The following ASXL3 variants were observed in gnomAD, a reference collection of about 807,000 sequenced individuals.
ASXL3 encodes ASXL transcriptional regulator 3, also known as putative Polycomb group protein ASXL3.
Under a neutral mutation model 170.6 loss-of-function variants are expected in ASXL3, and 34 were observed. The ratio of observed to expected loss-of-function variants is 0.20; its 90% CI spans 0.15 to 0.27. The LOEUF is 0.27. ASXL3 is among the 10% of genes least tolerant of loss of function. The pLI is 1.00. For missense variants in ASXL3, 2,592 were observed against 2,695.3 expected (o/e 0.96, Z 0.85); for synonymous variants, 1,002 against 989.1 (o/e 1.01, Z -0.24).
chr18:33,634,196 A>G (rs916691113), intron 2 of ASXL3, among the ~76,000 whole-genome samples: 1 of 152,170 alleles, frequency 6.6e-6, no homozygotes, highest in African/African-American at 2.4e-5. Flanking sequence ...GAATCTGACA[A>G]AATTAGAGAA....
At chr18:33,671,126 A>G (rs1431653142) in intron 6 of ASXL3, among the ~76,000 whole-genome samples, 1 of 152,132 alleles carries the variant, frequency 6.6e-6, no homozygotes, top group Non-Finnish European at 1.5e-5. Flanking sequence ...ATGCTGATGT[A>G]TAATACCATC....
intron 8 of ASXL3, among the ~76,000 whole-genome samples, chr18:33,703,340 A>G (rs2066908448): frequency 6.6e-6 from 1 of 152,102 alleles, no homozygotes; most frequent in African/African-American, 2.4e-5. Context: ...GACAGAAGTA[A>G]CATTTTTGCT....
chr18:33,627,889 CT>C (rs2065624968), intron 2 of ASXL3, among the ~76,000 whole-genome samples: 1 of 152,036 alleles, frequency 6.6e-6, no homozygotes, highest in Non-Finnish European at 1.5e-5. Flanking sequence ...CAGTATTTTC[CT>C]TTAGACTAAT....
At chr18:33,613,053 G>A (rs2065362984) in intron 2 of ASXL3, among the ~76,000 whole-genome samples, 1 of 152,042 alleles carries the variant, frequency 6.6e-6, no homozygotes, top group Admixed American at 6.6e-5. Flanking sequence ...AGAAACATAG[G>A]GCAATTTGCA....
intron 4 of ASXL3, 139 bp downstream of exon 4, chr18:33,646,492 G>A (rs1221764975): frequency 5.1e-6 from 3 of 583,088 alleles, no homozygotes; most frequent in African/African-American, 1.9e-5. Context: ...TTATCATCAA[G>A]GTGTTTTGAT....
At chr18:33,661,163 T>C (rs549046430) in intron 4 of ASXL3, among the ~76,000 whole-genome samples, 1 of 152,302 alleles carries the variant, frequency 6.6e-6, no homozygotes, top group African/African-American at 2.4e-5. Flanking sequence ...GATTCTATAG[T>C]AGTAAGGCTG....
chr18:33,584,635 A>G (rs149948820), intron 1 of ASXL3, among the ~76,000 whole-genome samples: 30 of 152,250 alleles, frequency 2.0e-4, no homozygotes, highest in African/African-American at 7.2e-4. Flanking sequence ...TGAAAAAAAA[A>G]TCAGTAAATT....
intron 1 of ASXL3, among the ~76,000 whole-genome samples, chr18:33,607,181 G>A (rs918491684): frequency 3.3e-5 from 5 of 151,936 alleles, no homozygotes; most frequent in African/African-American, 9.7e-5. Context: ...CCAGCACTCC[G>A]TTCTCTTCTA....
chr18:33,580,646 A>G (rs570591307), intron 1 of ASXL3, among the ~76,000 whole-genome samples: 31 of 152,196 alleles, frequency 2.0e-4, no homozygotes, highest in Non-Finnish European at 3.5e-4. Flanking sequence ...TCTAATAATG[A>G]TATATCTGTA....
rs1599582740 is a variant in ASXL3 at position 33,748,305 on chromosome 18, T to G, written c.*1710T>G. On this transcript the variant is annotated 3_prime_UTR_variant, in exon 12 of 12. Coordinates refer to ENST00000269197, the MANE Select transcript of ASXL3 (RefSeq NM_030632.3). ...GATTTTTTTATAATAACCAACTATA[T>G]AATATGTTTTTTTCTCCGTATTTAT... The G allele has an allele frequency of 6.6e-6, 1 of 152,154 alleles. No individual in the cohort carries two copies. The allele number at this position is 152,154 out of a possible 1,614,324, so 9.4% of individuals were successfully genotyped here.
At chr18:33,640,266 CAT>C (rs144189281) in intron 2 of ASXL3, among the ~76,000 whole-genome samples, 11 of 150,506 alleles carry the variant, frequency 7.3e-5, no homozygotes, top group Admixed American at 1.3e-4. Context: ...ATATTACAAA[CAT>C]ATATATATAT....
At chr18:33,663,798 T>C (rs542490951) in intron 5 of ASXL3, among the ~76,000 whole-genome samples, 1 of 152,290 alleles carries the variant, frequency 6.6e-6, no homozygotes, top group East Asian at 1.9e-4. Context: ...GCTGAATTTC[T>C]TAAGACAGCA....
chr18:33,683,779 C>T (rs1178240111), intron 8 of ASXL3: 2 of 439,708 alleles, frequency 4.5e-6, no homozygotes, highest in East Asian at 4.0e-5. Context: ...AAATACGGTA[C>T]ATTGTGGTAG....
chr18:33,643,862 C>T (rs1363532605), intron 2 of ASXL3, among the ~76,000 whole-genome samples: 1 of 151,746 alleles, frequency 6.6e-6, no homozygotes, highest in African/African-American at 2.4e-5. Context: ...ACCCATAATT[C>T]CTAAGAAGCA....
chr18:33,724,363 T>C (rs1023115671), intron 8 of ASXL3, among the ~76,000 whole-genome samples: 1 of 152,098 alleles, frequency 6.6e-6, no homozygotes, highest in Non-Finnish European at 1.5e-5. Flanking sequence ...TGTCACTATT[T>C]ATTCTGAATA....
chr18:33,593,329 T>C (rs2065096296), intron 1 of ASXL3, among the ~76,000 whole-genome samples: 1 of 148,784 alleles, frequency 6.7e-6, no homozygotes, highest in Middle Eastern at 3.2e-3. Context: ...GCAGATTATA[T>C]TTCCCAGCCT....
rs923986148 is a variant in ASXL3 at position 33,739,401 on chromosome 18, A to G, written c.1997A>G (p.Asn666Ser). 1 of 1,613,894 alleles carries G rather than the reference A, an allele frequency of 6.2e-7. No homozygotes were observed. Among genetic ancestry groups the G allele is most frequent in the Non-Finnish European group, 8.5e-7 (1 of 1,179,834 alleles). ...AATACAGACAAATACAACCAGAGAA[A>G]TTCCACTGATGAAAACTTTCATGCA... ...TENTDKYNQR[N>S]STDENFHASL... The change falls in exon 11 of 12, where the codon AAT becomes AGT. Residue 666 changes from asparagine to serine, a missense_variant. By Grantham distance (46) the Asn-to-Ser change is conservative (BLOSUM62 1). This residue lies in a region of ASXL3 where 2,246 missense variants were observed against 2,219.6 expected (regional missense o/e 1.01). Coordinates refer to ENST00000269197, the MANE Select transcript of ASXL3 (RefSeq NM_030632.3).
intron 8 of ASXL3, among the ~76,000 whole-genome samples, chr18:33,713,002 A>G (rs1310121367): frequency 6.6e-6 from 1 of 151,942 alleles, no homozygotes; most frequent in Non-Finnish European, 1.5e-5. Context: ...TTCTAGCTAA[A>G]TGACTGGCTA....
intron 8 of ASXL3, among the ~76,000 whole-genome samples, chr18:33,696,025 A>G (rs1202896347): frequency 6.6e-6 from 1 of 152,136 alleles, no homozygotes; most frequent in Non-Finnish European, 1.5e-5. Context: ...AGAATCATGC[A>G]TGTGGTAGAT....
Sources: allele counts gnomAD v4.1 joint callset (sites outside exome capture counted in the v4.1 genomes callset), GRCh38; gene constraint gnomAD v4.1.1; regional missense constraint gnomAD v4.1.1; transcripts MANE v1.5; gene names NCBI Gene and HGNC (gene_info 2026-07-23, HGNC 2026-07-21).